Variants in ADCY9 observed in about 807,000 individuals in gnomAD.
ADCY9 encodes adenylate cyclase type 9.
Under a neutral mutation model 101.5 loss-of-function variants are expected in ADCY9, and 50 were observed. The ratio of observed to expected loss-of-function variants is 0.49; its 90% CI spans 0.39 to 0.62. The LOEUF is 0.62. Among genes scored for constraint, ADCY9 ranks in the 20% least tolerant of loss-of-function variants. The probability of loss-of-function intolerance (pLI) is 0.00; values close to 1 mark genes in which losing one functional copy is unlikely to be tolerated. For missense variants in ADCY9, 1,662 were observed against 1,800.4 expected (o/e 0.92, Z 1.39); for synonymous variants, 905 against 769.3 (o/e 1.18, Z -2.92).
chr16:3,961,357 G>A (rs2055937100), downstream of ADCY9, among the ~76,000 whole-genome samples: 1 of 151,896 alleles, frequency 6.6e-6, no homozygotes. Flanking sequence ...GCTGAGGTGG[G>A]AGGATCACCT....
At chr16:4,058,382 T>C (rs1444633655) in intron 2 of ADCY9, among the ~76,000 whole-genome samples, 1 of 150,902 alleles carries the variant, frequency 6.6e-6, no homozygotes, top group Admixed American at 6.6e-5. Context: ...GGAGAATCAC[T>C]TGAACCTGGG....
rs1369445966 is a variant in ADCY9, at chr16:3,962,827, A to G, written c.*2948T>C. ...ATGTGATTTTCCAAACAACCAATTA[A>G]AAAAAACTCCTTACCTCGAAAATCT... On this transcript the variant is annotated 3_prime_UTR_variant, in exon 11 of 11. Transcript: ENST00000294016. The G allele has an allele frequency of 6.6e-6, 1 of 152,394 alleles. No homozygotes were observed. Among genetic ancestry groups the G allele is most frequent in the Non-Finnish European group, 1.5e-5 (1 of 68,010 alleles). The allele number at this position is 152,394 out of a possible 1,614,324, so 9.4% of individuals were successfully genotyped here.
chr16:4,100,550 C>T (rs571458957), intron 2 of ADCY9, among the ~76,000 whole-genome samples: 2 of 151,802 alleles, frequency 1.3e-5, no homozygotes, highest in Non-Finnish European at 2.9e-5. Flanking sequence ...AGGCTGGTCT[C>T]GAACTCCTGA....
rs2056248819 is a variant in ADCY9 at position 3,992,058 on chromosome 16, G to A, written c.2207+88C>T. The A allele has an allele frequency of 1.9e-5, 25 of 1,337,572 alleles. No homozygotes were observed. Among genetic ancestry groups the A allele is most frequent in the Admixed American group, 5.9e-5 (3 of 50,582 alleles). The allele number at this position is 1,337,572 out of a possible 1,614,324, so 82.9% of individuals were successfully genotyped here. A position where few individuals can be genotyped will look rare whatever the true frequency, so the allele number is the denominator to read the frequency against. ...TGCACTGCAGCCTGGATGACAGAGCGAGACTCAGTCTTAAAGAAAAGAAAA... is the reference window on the plus strand; with the variant it reads ...TGCACTGCAGCCTGGATGACAGAGCAAGACTCAGTCTTAAAGAAAAGAAAA... On this transcript the variant is annotated intron_variant, in intron 5 of 10. Coordinates refer to ENST00000294016, the MANE Select transcript of ADCY9 (RefSeq NM_001116.4). This position sits in a 1 kb window ranked among gnomAD's most constrained non-coding sequence, Gnocchi z 4.2.
chr16:3,996,434 A>G (rs936196618), intron 3 of ADCY9, among the ~76,000 whole-genome samples: 1 of 152,194 alleles, frequency 6.6e-6, no homozygotes, highest in East Asian at 1.9e-4. Flanking sequence ...ATGTAAAAAA[A>G]TCTAACACCA....
At chr16:4,072,606 A>T (rs2056841750) in intron 2 of ADCY9, among the ~76,000 whole-genome samples, 1 of 152,182 alleles carries the variant, frequency 6.6e-6, no homozygotes, top group African/African-American at 2.4e-5. Context: ...CCCCTATTAA[A>T]TGTTTCTAAG....
Position 4,115,177 on chromosome 16 carries a change from C to T in ADCY9, c.266G>A (p.Arg89His). 6.2e-7 allele frequency: 1 copy of T among 1,613,762 alleles called. No individual in the cohort carries two copies. The highest frequency in any genetic ancestry group is 8.5e-7 in the Non-Finnish European group (1 of 1,180,006). ...CGAGTCGAACTTGGGGTCCCACCAG[C>T]GGCTGGAGGCCCTCTCGAACAGCTG... ...LPQLFERASSRWWDPKFDSVN... is the reference protein window; with the variant it reads ...LPQLFERASSHWWDPKFDSVN... Residue 89 changes from arginine (R) to histidine (H), a missense_variant, in exon 2 of 11, where the codon CGC becomes CAC. Physicochemically the swap from Arg to His is conservative, Grantham distance 29 (BLOSUM62 0). Around this residue, in one of 5 missense-constraint regions of ADCY9, gnomAD observed 422 missense variants for 392.0 expected, o/e 1.08. Coordinates refer to ENST00000294016, the MANE Select transcript of ADCY9 (RefSeq NM_001116.4). This position sits in a 1 kb window ranked among gnomAD's most constrained non-coding sequence, Gnocchi z 6.2.
intron 2 of ADCY9, among the ~76,000 whole-genome samples, chr16:4,084,212 A>G (rs1415160466): frequency 1.3e-5 from 2 of 152,062 alleles, no homozygotes; most frequent in African/African-American, 4.8e-5. Flanking sequence ...CCTGGGTTCA[A>G]GTGATTCTCC....
downstream of ADCY9, among the ~76,000 whole-genome samples, chr16:3,958,296 C>T (rs544307329): frequency 6.6e-6 from 1 of 152,266 alleles, no homozygotes; most frequent in South Asian, 2.1e-4. Flanking sequence ...AACCCCAGCA[C>T]TCTGGTAGCC....
chr16:4,057,735 A>G (rs538201732), intron 2 of ADCY9, among the ~76,000 whole-genome samples: 89 of 152,300 alleles, frequency 5.8e-4, no homozygotes, highest in African/African-American at 2.0e-3. Context: ...GACACCAGGA[A>G]GCGGAGGCCC....
At chr16:4,067,476 T>C (rs1391522935) in intron 2 of ADCY9, among the ~76,000 whole-genome samples, 1 of 152,148 alleles carries the variant, frequency 6.6e-6, no homozygotes, top group South Asian at 2.1e-4. Context: ...CAGACCAAGA[T>C]GGGTCTGGGT....
intron 2 of ADCY9, among the ~76,000 whole-genome samples, chr16:4,026,284 G>C (rs113867806): frequency 0.014 from 2,080 of 152,086 alleles, 25 homozygotes; most frequent in Non-Finnish European, 0.019. Flanking sequence ...AATTAGCTGG[G>C]CATGGTGGCG....
intron 2 of ADCY9, among the ~76,000 whole-genome samples, chr16:4,019,736 G>C (rs907454077): frequency 2.0e-5 from 3 of 152,230 alleles, no homozygotes; most frequent in Admixed American, 6.5e-5. Flanking sequence ...GAGGGTTCCA[G>C]ACTAGTGGAG....
chr16:3,979,542 C>T (rs1334748086), intron 7 of ADCY9, among the ~76,000 whole-genome samples: 1 of 152,242 alleles, frequency 6.6e-6, no homozygotes, highest in South Asian at 2.1e-4. Flanking sequence ...ATGCTTCGCT[C>T]GCCTAACAGA....
At chr16:4,092,330 T>G (rs2056978897) in intron 2 of ADCY9, among the ~76,000 whole-genome samples, 1 of 152,140 alleles carries the variant, frequency 6.6e-6, no homozygotes, top group Non-Finnish European at 1.5e-5. Flanking sequence ...TCCTGGGCAG[T>G]GTTGTACAGA....
intron 2 of ADCY9, among the ~76,000 whole-genome samples, chr16:4,077,053 G>A (rs1338792373): frequency 2.7e-5 from 4 of 149,040 alleles, no homozygotes; most frequent in Non-Finnish European, 5.9e-5. Context: ...TTCCAGCCTG[G>A]GGGACAAGGT....
downstream of ADCY9, among the ~76,000 whole-genome samples, chr16:3,960,476 C>T (rs1407995523): frequency 2.0e-5 from 3 of 152,080 alleles, no homozygotes; most frequent in East Asian, 1.9e-4. Flanking sequence ...GAGCTGAGAT[C>T]GCACCACTGC....
At chr16:4,065,834 C>A (rs955835027) in intron 2 of ADCY9, among the ~76,000 whole-genome samples, 2 of 149,888 alleles carry the variant, frequency 1.3e-5, no homozygotes, top group Non-Finnish European at 3.0e-5. Flanking sequence ...CTCCCAAAGT[C>A]CTGGGATTAC....
At chr16:4,028,124 T>C (rs1303399581) in intron 2 of ADCY9, among the ~76,000 whole-genome samples, 1 of 152,164 alleles carries the variant, frequency 6.6e-6, no homozygotes, top group Non-Finnish European at 1.5e-5. Flanking sequence ...GTATCCTGAT[T>C]GTACTGGTGG....
Sources: gnomAD v4.1 joint callset for allele counts (sites outside exome capture counted in the v4.1 genomes callset) on GRCh38, gnomAD v4.1.1 for gene constraint, gnomAD v4.1.1 regional missense constraint, Gnocchi (gnomAD v3.1) non-coding constraint, MANE v1.5 for transcripts, NCBI Gene and HGNC (gene_info 2026-07-23, HGNC 2026-07-21) for gene names.